The following GPR39 variants were observed in gnomAD, a reference collection of about 807,000 sequenced individuals.
The protein encoded by GPR39 is zinc sensing receptor.
GPR39 carries 23 observed loss-of-function variants against 18.4 expected under a neutral mutation model. The observed-to-expected ratio is 1.25, with a 90% confidence interval of 0.90 to 1.77. The LOEUF is 1.77. Among genes scored for constraint, GPR39 ranks in the 40% most tolerant of loss-of-function variants. The pLI, the probability that GPR39 is intolerant of heterozygous loss-of-function variation, is 0.00. For missense variants in GPR39, 647 were observed against 602.4 expected (o/e 1.07, Z -0.78); for synonymous variants, 280 against 257.9 (o/e 1.09, Z -0.82).
At chr2:132,595,953 T>C (rs1279749279) in intron 1 of GPR39, among the ~76,000 whole-genome samples, 1 of 152,164 alleles carries the variant, frequency 6.6e-6, no homozygotes, top group African/African-American at 2.4e-5. Flanking sequence ...TAAGAGCTCA[T>C]GTCAGGGAGC....
chr2:132,630,387 C>T (rs532643630), intron 1 of GPR39, among the ~76,000 whole-genome samples: 69 of 152,186 alleles, frequency 4.5e-4, no homozygotes, highest in Non-Finnish European at 8.5e-4. Context: ...AGCCCTGAGG[C>T]AGGAGTGAGT....
intron 1 of GPR39, among the ~76,000 whole-genome samples, chr2:132,454,830 C>T (rs1680690604): frequency 6.6e-6 from 1 of 152,134 alleles, no homozygotes; most frequent in Non-Finnish European, 1.5e-5. Flanking sequence ...AGGGATGAAG[C>T]CGACTTGATC....
At chr2:132,499,429 G>C (rs546680644) in intron 1 of GPR39, among the ~76,000 whole-genome samples, 4 of 152,098 alleles carry the variant, frequency 2.6e-5, no homozygotes, top group Non-Finnish European at 4.4e-5. Context: ...TTTTATACCA[G>C]TTCCATGCTG....
intron 1 of GPR39, among the ~76,000 whole-genome samples, chr2:132,621,511 A>G (rs1016057182): frequency 6.6e-6 from 1 of 152,116 alleles, no homozygotes; most frequent in African/African-American, 2.4e-5. Flanking sequence ...CTGTTCTACC[A>G]TCAGCACTGC....
chr2:132,496,313 T>TA (rs1681640803), intron 1 of GPR39, among the ~76,000 whole-genome samples: 1 of 152,204 alleles, frequency 6.6e-6, no homozygotes, highest in Admixed American at 6.5e-5. Context: ...TACAGTATCA[T>TA]AAATTTCCTA....
chr2:132,434,376 G>A (rs1018877994), intron 1 of GPR39, among the ~76,000 whole-genome samples: 3 of 152,180 alleles, frequency 2.0e-5, no homozygotes, highest in African/African-American at 7.2e-5. Flanking sequence ...TGGACAATAA[G>A]AACACTTTTT....
At chr2:132,632,928 G>T (rs1175363417) in intron 1 of GPR39, among the ~76,000 whole-genome samples, 1 of 152,138 alleles carries the variant, frequency 6.6e-6, no homozygotes, top group East Asian at 1.9e-4. Flanking sequence ...CAGTTTCACA[G>T]AGATATAGGT....
intron 1 of GPR39, among the ~76,000 whole-genome samples, chr2:132,492,892 A>ATG (rs1205878778): frequency 1.4e-5 from 2 of 141,086 alleles, no homozygotes; most frequent in East Asian, 2.1e-4. Flanking sequence ...TACACCATAT[A>ATG]TATACCATAT....
At chr2:132,559,193 A>T (rs547480402) in intron 1 of GPR39, among the ~76,000 whole-genome samples, 1 of 152,224 alleles carries the variant, frequency 6.6e-6, no homozygotes, top group East Asian at 1.9e-4. Flanking sequence ...ACTTAGGAAA[A>T]GAACTGACCG....
At chr2:132,546,752 C>T (rs977472432) in intron 1 of GPR39, among the ~76,000 whole-genome samples, 14 of 140,078 alleles carry the variant, frequency 1.0e-4, no homozygotes, top group South Asian at 2.3e-4. Context: ...TTGACAGTTC[C>T]GGGGCCTCTG....
chr2:132,460,804 T>A lies in GPR39; in HGVS notation c.856+42906T>A, dbSNP rs181487157. ...ATTCAGTATCAATAAGGTGCCTACA[T>A]GGTAACCCCAGATGGGAAAGAGATG... is the stretch of plus-strand genomic sequence containing the variant. On this transcript the variant is annotated intron_variant, in intron 1 of 1. Transcript: ENST00000329321. 1.8e-4 allele frequency among the ~76,000 whole-genome samples: 27 copies of A among 152,222 alleles called. No individual in the cohort carries two copies. The East Asian group carries it at 5.2e-3, about 29-fold the overall frequency.
At chr2:132,457,880 G>A (rs925318666) in intron 1 of GPR39, among the ~76,000 whole-genome samples, 8 of 152,238 alleles carry the variant, frequency 5.3e-5, no homozygotes, top group African/African-American at 1.9e-4. Context: ...CTCACAGTTC[G>A]ATCTTGGACT....
At chr2:132,509,048 C>G (rs1189763230) in intron 1 of GPR39, among the ~76,000 whole-genome samples, 1 of 152,188 alleles carries the variant, frequency 6.6e-6, no homozygotes, top group African/African-American at 2.4e-5. Context: ...AGACGGGCAT[C>G]AGAAACTGCT....
intron 1 of GPR39, among the ~76,000 whole-genome samples, chr2:132,458,908 A>G (rs993389977): frequency 2.0e-5 from 3 of 152,196 alleles, no homozygotes; most frequent in Non-Finnish European, 4.4e-5. Flanking sequence ...TTTTTTCTGC[A>G]TATATGACAT....
At chr2:132,420,891 G>C (rs1263324680) in intron 1 of GPR39, among the ~76,000 whole-genome samples, 1 of 152,200 alleles carries the variant, frequency 6.6e-6, no homozygotes, top group Non-Finnish European at 1.5e-5. Context: ...TAGCTCTCAA[G>C]CAATTTACAG....
chr2:132,509,466 A>G (rs1349629980), intron 1 of GPR39, among the ~76,000 whole-genome samples: 1 of 152,166 alleles, frequency 6.6e-6, no homozygotes, highest in Admixed American at 6.6e-5. Flanking sequence ...TCACTCGCAC[A>G]TGTCCCTCAC....
intron 1 of GPR39, among the ~76,000 whole-genome samples, chr2:132,634,444 G>A (rs1681712719): frequency 6.6e-6 from 1 of 152,160 alleles, no homozygotes. Context: ...CCTTTGTTGG[G>A]AAATCTGTGA....
At chr2:132,633,202 G>A (rs1163360895) in intron 1 of GPR39, among the ~76,000 whole-genome samples, 1 of 152,142 alleles carries the variant, frequency 6.6e-6, no homozygotes, top group African/African-American at 2.4e-5. Flanking sequence ...CAGGGAGTTG[G>A]GGAAAGGCTC....
At chr2:132,594,221 C>T (rs946967416) in intron 1 of GPR39, among the ~76,000 whole-genome samples, 1 of 152,118 alleles carries the variant, frequency 6.6e-6, no homozygotes, top group African/African-American at 2.4e-5. Context: ...GGTCAAGTGA[C>T]CCTGGGAAGG....
Sources: gnomAD v4.1 joint callset for allele counts (sites outside exome capture counted in the v4.1 genomes callset) on GRCh38, gnomAD v4.1.1 for gene constraint, MANE v1.5 for transcripts, NCBI Gene and HGNC (gene_info 2026-07-23, HGNC 2026-07-21) for gene names.